The following WWOX variants were observed in gnomAD, a reference collection of about 807,000 sequenced individuals.
WWOX encodes WW domain containing oxidoreductase.
In WWOX, 69 loss-of-function variants were observed where a neutral mutation model predicts 46.2. That is an observed-to-expected ratio of 1.49 (90% CI 1.23 to 1.82). The LOEUF (loss-of-function observed/expected upper bound fraction) is 1.82. Ranked by LOEUF, WWOX falls within the 40% of genes most tolerant of loss-of-function variation. WWOX has a pLI of 0.00. For synonymous variants in WWOX, 359 were observed against 202.6 expected, an observed-to-expected ratio of 1.77 and a Z score of -6.56; for missense variants, 919 against 542.6, an observed-to-expected ratio of 1.69 and a Z score of -6.89.
intron 4 of WWOX, chr16:78,123,440 G>GTTTTGTTTTTTTTGTTTTTTT: frequency 2.0e-5 from 1 of 50,480 alleles, no homozygotes; most frequent in East Asian, 6.3e-4. Context: ...TTTTTGTTTT[G>GTTTTGTTTTTTTTGTTTTTTT]TTTTTTTTTT....
chr16:78,152,579 C>G (rs2034455669), intron 4 of WWOX, among the ~76,000 whole-genome samples: 1 of 152,132 alleles, frequency 6.6e-6, no homozygotes, highest in East Asian at 1.9e-4. Flanking sequence ...AATGTAGTTA[C>G]CCTTGTAGAA....
chr16:79,068,965 T>TA (rs1285463657), intron 8 of WWOX, among the ~76,000 whole-genome samples: 3 of 152,164 alleles, frequency 2.0e-5, no homozygotes, highest in African/African-American at 4.8e-5. Context: ...ACAGTTGTCT[T>TA]ACGCACAGGC....
intron 8 of WWOX, among the ~76,000 whole-genome samples, chr16:78,575,018 T>A (rs866231922): frequency 2.3e-4 from 3 of 13,120 alleles, no homozygotes; most frequent in African/African-American, 9.7e-4. Flanking sequence ...TATATATATA[T>A]ATAAATATAT....
chr16:78,309,479 C>G (rs773373343), intron 5 of WWOX, among the ~76,000 whole-genome samples: 5 of 152,108 alleles, frequency 3.3e-5, no homozygotes, highest in Non-Finnish European at 7.4e-5. Context: ...AGCCCTCATC[C>G]CCATCACTTT....
intron 8 of WWOX, among the ~76,000 whole-genome samples, chr16:78,813,369 A>G (rs1450065012): frequency 1.3e-5 from 2 of 152,100 alleles, no homozygotes; most frequent in African/African-American, 4.8e-5. Context: ...TTTTCTTGAT[A>G]CCTTTCAAGT....
intron 8 of WWOX, among the ~76,000 whole-genome samples, chr16:79,002,873 A>T (rs112378767): frequency 1.4e-4 from 22 of 152,340 alleles, no homozygotes; most frequent in African/African-American, 5.3e-4. Context: ...AAATAACTCC[A>T]TGATGAAACA....
chr16:79,052,900 C>T (rs5021355), intron 8 of WWOX, among the ~76,000 whole-genome samples: 94,282 of 148,804 alleles, frequency 0.63, 30,727 homozygotes, highest in African/African-American at 0.8. Flanking sequence ...TGTCTGCAAT[C>T]GATCTGAAAT....
Position 78,981,302 on chromosome 16 carries a change from G to A in WWOX, c.1057-230306G>A, listed in dbSNP as rs182266470. 2.8e-3 allele frequency among the ~76,000 whole-genome samples: 425 copies of A among 152,158 alleles called. 1 individual carries two copies. The Middle Eastern group carries it at 0.044, about 16-fold the overall frequency. ...GCCTGAGCCATCTAATGATCTTTAC[G>A]GGAATAACCAAAAATGCTGGGTGGG... is the stretch of plus-strand genomic sequence containing the variant. On this transcript the variant is annotated intron_variant, in intron 8 of 8. Transcript: ENST00000566780.
intron 8 of WWOX, among the ~76,000 whole-genome samples, chr16:79,012,230 G>A (rs1030929741): frequency 1.3e-5 from 2 of 151,932 alleles, no homozygotes; most frequent in Non-Finnish European, 2.9e-5. Context: ...CAACTAGTAT[G>A]ACATCTTAAT....
intron 5 of WWOX, among the ~76,000 whole-genome samples, chr16:78,180,368 T>G (rs2035490143): frequency 6.6e-6 from 1 of 151,384 alleles, no homozygotes; most frequent in Non-Finnish European, 1.5e-5. Flanking sequence ...TAAATCCAGC[T>G]GTACCCAAGA....
intron 8 of WWOX, among the ~76,000 whole-genome samples, chr16:78,778,428 C>A (rs941921764): frequency 6.6e-6 from 1 of 152,282 alleles, no homozygotes; most frequent in Admixed American, 6.5e-5. Context: ...AATGTCGGAC[C>A]TCAGTATGAT....
chr16:79,146,168 T>A (rs963256282), intron 8 of WWOX, among the ~76,000 whole-genome samples: 2 of 152,220 alleles, frequency 1.3e-5, no homozygotes, highest in African/African-American at 4.8e-5. Context: ...AGGCTTATAA[T>A]TTAGTCAGAT....
At chr16:79,144,598 G>A (rs1243716092) in intron 8 of WWOX, among the ~76,000 whole-genome samples, 2 of 151,676 alleles carry the variant, frequency 1.3e-5, no homozygotes, top group Non-Finnish European at 2.9e-5. Context: ...AAAAAATATC[G>A]AGTGGAAAAA....
chr16:78,862,771 A>G (rs2043918964), intron 8 of WWOX, among the ~76,000 whole-genome samples: 2 of 152,090 alleles, frequency 1.3e-5, no homozygotes, highest in African/African-American at 4.8e-5. Context: ...CAGGCCTTCA[A>G]CAGATTGTAT....
chr16:78,659,199 C>A (rs1008821320), intron 8 of WWOX, among the ~76,000 whole-genome samples: 1 of 152,038 alleles, frequency 6.6e-6, no homozygotes, highest in African/African-American at 2.4e-5. Context: ...GTATTCTTAT[C>A]CTCATTTTAC....
chr16:78,247,357 A>G (rs1380013473), intron 5 of WWOX, among the ~76,000 whole-genome samples: 1 of 152,098 alleles, frequency 6.6e-6, no homozygotes, highest in Non-Finnish European at 1.5e-5. Flanking sequence ...TATTACTTGC[A>G]CCTAGTGGAC....
chr16:78,229,877 ATCTT>A (rs1252157167), intron 5 of WWOX, among the ~76,000 whole-genome samples: 1 of 151,798 alleles, frequency 6.6e-6, no homozygotes, highest in Non-Finnish European at 1.5e-5. Context: ...ATAGTTCAAC[ATCTT>A]TCTTTCTTTT....
intron 5 of WWOX, among the ~76,000 whole-genome samples, chr16:78,314,135 G>A (rs912206257): frequency 6.6e-6 from 1 of 152,160 alleles, no homozygotes; most frequent in Non-Finnish European, 1.5e-5. Flanking sequence ...GGCCGGGCAC[G>A]ATGGCTGACG....
chr16:78,995,619 C>T (rs190231570), intron 8 of WWOX, among the ~76,000 whole-genome samples: 63 of 151,954 alleles, frequency 4.1e-4, no homozygotes, highest in Middle Eastern at 6.8e-3. Context: ...TGCAAAACCG[C>T]AAACTGGCTT....
Sources: gnomAD v4.1 joint callset for allele counts (sites outside exome capture counted in the v4.1 genomes callset) on GRCh38, gnomAD v4.1.1 for gene constraint, MANE v1.5 for transcripts, NCBI Gene and HGNC (gene_info 2026-07-23, HGNC 2026-07-21) for gene names.